The following ST18 variants were observed in gnomAD, a reference collection of about 807,000 sequenced individuals.
ST18 encodes ST18 C2H2C-type zinc finger transcription factor, also known as suppression of tumorigenicity 18 protein.
In ST18, 50 loss-of-function variants were observed where a neutral mutation model predicts 110.0. That is an observed-to-expected ratio of 0.45 (90% CI 0.36 to 0.58). ST18 has a LOEUF of 0.58. Among genes scored for constraint, ST18 ranks in the 20% least tolerant of loss-of-function variants. ST18 has a pLI of 0.00. For synonymous variants in ST18, 461 were observed against 452.4 expected (o/e 1.02, Z -0.24); for missense variants, 1,306 against 1,280.1 (o/e 1.02, Z -0.31).
chr8:52,319,235 T>C (rs1026827104), intron 2 of ST18, among the ~76,000 whole-genome samples: 1 of 152,244 alleles, frequency 6.6e-6, no homozygotes, highest in Non-Finnish European at 1.5e-5. Flanking sequence ...ATTTCAGGTA[T>C]GTTTGAAAGA....
chr8:52,246,348 A>C (rs1469995678), intron 2 of ST18, among the ~76,000 whole-genome samples: 1 of 152,122 alleles, frequency 6.6e-6, no homozygotes, highest in Non-Finnish European at 1.5e-5. Context: ...ATTTTTAAAA[A>C]ACAGAAAGAA....
At chr8:52,180,048 C>T in intron 9 of ST18, 74 bp downstream of exon 9, 1 of 1,444,300 alleles carries the variant, frequency 6.9e-7, no homozygotes, top group Admixed American at 1.9e-5. Flanking sequence ...ATACAAACCA[C>T]ACACTCTACA....
At chr8:52,193,402 G>T (rs1377707081) in intron 8 of ST18, among the ~76,000 whole-genome samples, 4 of 152,154 alleles carry the variant, frequency 2.6e-5, no homozygotes, top group African/African-American at 9.7e-5. Context: ...TTAACCCAAA[G>T]TCCCATCTCC....
intron 14 of ST18, among the ~76,000 whole-genome samples, chr8:52,159,921 A>C (rs1022215506): frequency 8.5e-5 from 13 of 152,180 alleles, no homozygotes; most frequent in Admixed American, 7.9e-4. Flanking sequence ...CTCAAGATTT[A>C]ATGTGAGCTA....
At chr8:52,126,178 T>C (rs369161555) in intron 22 of ST18, 38 bp from the exon 23 acceptor site, 2 of 1,562,226 alleles carry the variant, frequency 1.3e-6, no homozygotes, top group Middle Eastern at 1.7e-4. Context: ...ATGAAATGTA[T>C]ATGATTTCTT....
rs756275148 is a variant in ST18 at position 52,161,502 on chromosome 8, T to G, written c.1467A>C (p.Thr489=). The G allele has an allele frequency of 6.2e-7, 1 of 1,614,238 alleles. No homozygotes were observed. Among genetic ancestry groups the G allele is most frequent in the African/African-American group, 1.3e-5 (1 of 75,066 alleles). Residue 489 remains threonine (T), a synonymous_variant, in exon 14 of 26, where the codon ACA becomes ACC. Coordinates refer to ENST00000689386, the MANE Select transcript of ST18 (RefSeq NM_001352837.2). ...CAAACTTCTCTTGTTCTTTTGACAC[T>G]GTGGCTCTGGGAGAGGTGATGGCTT... ...PSQAITSPRA[T]VSKEQEKFGK... is the part of the protein sequence containing the mutation.
chr8:52,277,783 T>A (rs76381181), intron 2 of ST18, among the ~76,000 whole-genome samples: 1,696 of 152,282 alleles, frequency 0.011, 21 homozygotes, highest in African/African-American at 0.039. Context: ...AAGTTCTACG[T>A]TTTCCAGGTC....
chr8:52,223,806 C>T (rs1255581085), intron 3 of ST18, among the ~76,000 whole-genome samples: 1 of 152,066 alleles, frequency 6.6e-6, no homozygotes, highest in Non-Finnish European at 1.5e-5. Flanking sequence ...AATATGAGGT[C>T]ATCACCATCA....
chr8:52,395,116 T>C (rs1318812106), intron 2 of ST18, among the ~76,000 whole-genome samples: 1 of 152,220 alleles, frequency 6.6e-6, no homozygotes, highest in African/African-American at 2.4e-5. Flanking sequence ...GTGTCCTGGC[T>C]GGACTGGAGT....
intron 2 of ST18, among the ~76,000 whole-genome samples, chr8:52,394,634 G>C (rs896145774): frequency 1.3e-5 from 2 of 152,122 alleles, no homozygotes; most frequent in African/African-American, 4.8e-5. Context: ...TCTTTAAATG[G>C]TGTGGGAAGG....
chr8:52,139,326 A>C (rs943122544), intron 17 of ST18, among the ~76,000 whole-genome samples: 1 of 80,312 alleles, frequency 1.2e-5, no homozygotes, highest in Admixed American at 1.0e-4. Flanking sequence ...ATTGCATTAT[A>C]TATATATATA....
chr8:52,281,125 T>G (rs909951139), intron 2 of ST18, among the ~76,000 whole-genome samples: 32 of 151,976 alleles, frequency 2.1e-4, no homozygotes, highest in Non-Finnish European at 8.8e-5. Flanking sequence ...TACAGAAAAA[T>G]AACAAAAATA....
rs762921002 is a variant in ST18, at chr8:52,116,383, C to T, written c.2895G>A (p.Glu965=). 1.9e-6 allele frequency: 3 copies of T among 1,613,818 alleles called. No homozygotes were observed. The highest frequency in any genetic ancestry group is 2.5e-6 in the Non-Finnish European group (3 of 1,179,916). The change falls in exon 25 of 26, where the codon GAG becomes GAA. Residue 965 remains glutamate, a synonymous_variant. Coordinates refer to ENST00000689386, the MANE Select transcript of ST18 (RefSeq NM_001352837.2). ...TCTGTTCTATGAGTTTGTTCTCCTC[C>T]TCTATCGTCTTTAAGTTGCTCTCCA... ...TSMESNLKTI[E]EENKLIEQNN...
chr8:52,301,244 T>G (rs541838311), intron 2 of ST18, among the ~76,000 whole-genome samples: 1 of 152,300 alleles, frequency 6.6e-6, no homozygotes, highest in East Asian at 1.9e-4. Flanking sequence ...AACAATCTTT[T>G]CAATTTATTT....
chr8:52,263,987 C>T (rs1378744981), intron 2 of ST18, among the ~76,000 whole-genome samples: 1 of 151,742 alleles, frequency 6.6e-6, no homozygotes, highest in Admixed American at 6.6e-5. Flanking sequence ...TTAGTAGAGA[C>T]GGGTTTTCAC....
chr8:52,171,292 C>A (rs1461546194), intron 10 of ST18, among the ~76,000 whole-genome samples: 1 of 152,144 alleles, frequency 6.6e-6, no homozygotes, highest in Admixed American at 6.5e-5. Flanking sequence ...TCAAATTTGT[C>A]CCAGAGATGT....
chr8:52,111,087 C>A lies in ST18; in HGVS notation c.*2111G>T. ...CAAAACACATCAAGTACAAAGTAGG[C>A]AAATAAATACAAACATACTTCACAA... On this transcript the variant is annotated 3_prime_UTR_variant, in exon 26 of 26. Transcript: ENST00000689386. 1 of 397,758 alleles carries A rather than the reference C, an allele frequency of 2.5e-6. No homozygotes were observed. The highest frequency in any genetic ancestry group is 4.4e-5 in the Admixed American group (1 of 22,682). 24.6% of individuals were successfully genotyped at this position (397,758 alleles called of 1,614,324 possible).
rs115725577 is a variant in ST18 at position 52,121,472 on chromosome 8, C to T, written c.2756-3031G>A. Among the ~76,000 whole-genome samples the T allele has an allele frequency of 7.1e-3, 1,079 of 152,300 alleles. 14 individuals are homozygous for T. The highest frequency in any genetic ancestry group is 0.025 in the African/African-American group (1,036 of 41,554). The stretch of plus-strand genomic sequence containing the variant: ...ATCACTTTATCTGTTTCCACAGAGT[C>T]GCTCATCTGCCAAACTTCTTTCCAT... On this transcript the variant is annotated intron_variant, in intron 23 of 25. Transcript: ENST00000689386.
intron 2 of ST18, among the ~76,000 whole-genome samples, chr8:52,234,453 T>C (rs2092265223): frequency 6.6e-6 from 1 of 151,980 alleles, no homozygotes; most frequent in Non-Finnish European, 1.5e-5. Context: ...TTAGTAGATA[T>C]GGGGTTTCAC....
Sources: gnomAD v4.1 joint callset for allele counts (sites outside exome capture counted in the v4.1 genomes callset) on GRCh38, gnomAD v4.1.1 for gene constraint, MANE v1.5 for transcripts, NCBI Gene and HGNC (gene_info 2026-07-23, HGNC 2026-07-21) for gene names.